The following RANBP2 variants were observed in gnomAD, a reference collection of about 807,000 sequenced individuals.
RANBP2 encodes E3 SUMO-protein ligase RanBP2.
RANBP2 carries 57 observed loss-of-function variants against 303.6 expected under a neutral mutation model. The ratio of observed to expected loss-of-function variants is 0.19; its 90% CI spans 0.15 to 0.23. RANBP2 has a LOEUF of 0.23. Among genes scored for constraint, RANBP2 ranks in the 10% least tolerant of loss-of-function variants. RANBP2 has a pLI of 1.00. For missense variants in RANBP2, 3,138 were observed against 3,780.8 expected (o/e 0.83, Z 4.46); for synonymous variants, 1,167 against 1,301.5 (o/e 0.90, Z 2.23).
the RANBP2 span, among the ~76,000 whole-genome samples, chr2:108,928,835 G>A: frequency 6.6e-6 from 1 of 152,198 alleles, no homozygotes; most frequent in Non-Finnish European, 1.5e-5. Context: ...AGTGTTCCCA[G>A]GATACTAAAA....
chr2:108,727,814 G>A (rs971732902), intron 1 of RANBP2, among the ~76,000 whole-genome samples: 2 of 151,992 alleles, frequency 1.3e-5, no homozygotes. Context: ...TGTTGGCCAG[G>A]CTGGTCTCGA....
At chr2:109,292,941 A>G in the RANBP2 span, among the ~76,000 whole-genome samples, 81 of 152,300 alleles carry the variant, frequency 5.3e-4, 1 homozygote, top group East Asian at 0.011. Flanking sequence ...CATGTTGGTC[A>G]GGCTGGTCTC....
chr2:109,071,917 G>A, the RANBP2 span, among the ~76,000 whole-genome samples: 67,358 of 151,990 alleles, frequency 0.44, 15,367 homozygotes, highest in African/African-American at 0.47. Flanking sequence ...ATGTCAATAG[G>A]AGGAAAAGCA....
At chr2:109,507,738 A>G in the RANBP2 span, among the ~76,000 whole-genome samples, 8 of 152,336 alleles carry the variant, frequency 5.3e-5, no homozygotes, top group Non-Finnish European at 1.2e-4. Context: ...AGGGCCCATC[A>G]TTTGAACCTG....
the RANBP2 span, among the ~76,000 whole-genome samples, chr2:109,675,258 G>A: frequency 1.3e-5 from 2 of 152,168 alleles, no homozygotes; most frequent in African/African-American, 4.8e-5. Flanking sequence ...CGTTATACTC[G>A]AAGGACAGCT....
the RANBP2 span, among the ~76,000 whole-genome samples, chr2:109,287,850 CCACT>C: frequency 1.4e-3 from 216 of 152,306 alleles, 2 homozygotes; most frequent in African/African-American, 4.8e-3. Context: ...TTCCTAAACC[CCACT>C]CATAGTCCTA....
the RANBP2 span, among the ~76,000 whole-genome samples, chr2:108,940,770 T>G: frequency 2.0e-5 from 3 of 152,254 alleles, no homozygotes; most frequent in African/African-American, 7.2e-5. Context: ...GAGAGTGGTG[T>G]TCTCAGACTC....
the RANBP2 span, among the ~76,000 whole-genome samples, chr2:108,820,012 A>G: frequency 1.3e-5 from 2 of 152,236 alleles, no homozygotes; most frequent in Admixed American, 1.3e-4. Flanking sequence ...GAAAGAACCA[A>G]ATAAATTCTG....
the RANBP2 span, among the ~76,000 whole-genome samples, chr2:109,586,963 A>G: frequency 1.3e-5 from 2 of 152,220 alleles, no homozygotes; most frequent in Non-Finnish European, 2.9e-5. Flanking sequence ...TAGCATCTCT[A>G]CAGTATCTAC....
the RANBP2 span, among the ~76,000 whole-genome samples, chr2:109,369,338 A>G: frequency 2.0e-5 from 3 of 151,976 alleles, no homozygotes; most frequent in African/African-American, 7.2e-5. Context: ...ACAGCACAAG[A>G]CTCCGTCTAA....
chr2:109,443,510 G>A, the RANBP2 span, among the ~76,000 whole-genome samples: 1 of 152,124 alleles, frequency 6.6e-6, no homozygotes. Context: ...GTTACAAATC[G>A]TTTTTCACTA....
chr2:109,653,200 G>C, the RANBP2 span, among the ~76,000 whole-genome samples: 608 of 152,136 alleles, frequency 4.0e-3, 3 homozygotes, highest in South Asian at 0.021. Flanking sequence ...TTCGAGACCA[G>C]CCTGGCCAAC....
the RANBP2 span, among the ~76,000 whole-genome samples, chr2:109,290,563 C>T: frequency 1.3e-5 from 2 of 152,358 alleles, no homozygotes; most frequent in South Asian, 4.1e-4. Context: ...ATCCTTTGGC[C>T]CGCCCAATGC....
chr2:108,819,213 A>G, the RANBP2 span, among the ~76,000 whole-genome samples: 1 of 152,194 alleles, frequency 6.6e-6, no homozygotes, highest in Non-Finnish European at 1.5e-5. Flanking sequence ...TCAGGCTAAA[A>G]CATTAAAAAG....
the RANBP2 span, among the ~76,000 whole-genome samples, chr2:109,588,799 A>T: frequency 6.8e-6 from 1 of 147,968 alleles, no homozygotes; most frequent in Non-Finnish European, 1.5e-5. Context: ...CTAAAATATT[A>T]TATTATTTGA....
the RANBP2 span, among the ~76,000 whole-genome samples, chr2:109,711,726 C>T: frequency 6.6e-6 from 1 of 152,164 alleles, no homozygotes; most frequent in East Asian, 1.9e-4. Context: ...CCTGCCTCCT[C>T]CTTGCTCAAA....
chr2:109,488,366 T>A, the RANBP2 span, among the ~76,000 whole-genome samples: 2 of 152,154 alleles, frequency 1.3e-5, no homozygotes, highest in Admixed American at 1.3e-4. Flanking sequence ...GGAGGCAAGG[T>A]CACCCTCTCA....
At chr2:109,487,961 G>T in the RANBP2 span, among the ~76,000 whole-genome samples, 1 of 152,234 alleles carries the variant, frequency 6.6e-6, no homozygotes, top group East Asian at 1.9e-4. Flanking sequence ...CCTAGACGGG[G>T]ATGAACAGCC....
chr2:109,012,246 T>C, the RANBP2 span, among the ~76,000 whole-genome samples: 1 of 152,196 alleles, frequency 6.6e-6, no homozygotes, highest in Non-Finnish European at 1.5e-5. Flanking sequence ...GCTGGACAGT[T>C]TGCTCCCCTG....
Sources: allele counts gnomAD v4.1 joint callset (sites outside exome capture counted in the v4.1 genomes callset), GRCh38; gene constraint gnomAD v4.1.1; transcripts MANE v1.5; gene names NCBI Gene and HGNC (gene_info 2026-07-23, HGNC 2026-07-21).